The following SCN4B variants were observed in gnomAD, a reference collection of about 807,000 sequenced individuals.
The protein encoded by SCN4B is sodium channel regulatory subunit beta-4.
SCN4B carries 20 observed loss-of-function variants against 19.6 expected under a neutral mutation model. The ratio of observed to expected loss-of-function variants is 1.02; its 90% confidence interval spans 0.72 to 1.48. The LOEUF is 1.48. SCN4B is among the 40% of genes most tolerant of loss of function. The pLI is 0.00. For missense variants in SCN4B, 271 were observed against 287.5 expected (o/e 0.94, Z 0.42); for synonymous variants, 127 against 122.8 (o/e 1.03, Z -0.22).
rs1948209524 is a variant in SCN4B, at chr11:118,148,920, G to A, written c.62-3691C>T. On this transcript the variant is annotated intron_variant, in intron 1 of 4. Transcript: ENST00000324727. The surrounding 1 kb of genome is among the most constrained non-coding windows in gnomAD (Gnocchi z 4.0). ...TGTGAGAGTGGGGGGCCTCTTTCCG[G>A]CATTGTGGAATTGAGGAACAACTCT... 6.6e-6 allele frequency among the ~76,000 whole-genome samples: 1 copy of A among 152,072 alleles called. No homozygotes were observed.
Position 118,137,075 on chromosome 11 carries a change from G to A in SCN4B, c.639C>T (p.Asn213=), listed in dbSNP as rs72544155. 4.8e-3 allele frequency: 7,803 copies of A among 1,613,988 alleles called. 20 individuals are homozygous for A. Among genetic ancestry groups the A allele is most frequent in the Non-Finnish European group, 6.2e-3 (7,324 of 1,179,850 alleles). The change falls in exon 5 of 5, where the codon AAC becomes AAT. Residue 213 remains asparagine (N), a synonymous_variant. Coordinates refer to ENST00000324727, the MANE Select transcript of SCN4B (RefSeq NM_174934.4). The part of the protein sequence containing the change: ...VSSSGNDNTE[N]GLPGSKAEEK... Reference sequence around the variant, plus strand: ...CCTCTGCCTTGGAGCCAGGCAAGCCGTTCTCCGTGTTGTCATTCCCCGAGG... The same window carrying A: ...CCTCTGCCTTGGAGCCAGGCAAGCCATTCTCCGTGTTGTCATTCCCCGAGG...
Position 118,144,057 on chromosome 11 carries a change from A to G in SCN4B, c.239T>C (p.Ile80Thr), listed in dbSNP as rs546190140. The part of the protein sequence containing the change: ...YNSSDAFKIL[I>T]EGTVKNEKSD... ...CTTCTCATTCTTCACAGTCCCCTCT[A>G]TGAGCTGGTGGAGGAAGGGAGTTGG... Residue 80 changes from isoleucine (I) to threonine (T), a missense_variant, in exon 3 of 5, where the codon ATA (isoleucine) becomes ACA (threonine). Ile to Thr is a moderately conservative substitution (Grantham distance 89). Transcript: ENST00000324727. 5.6e-6 allele frequency: 9 copies of G among 1,609,412 alleles called. No homozygotes were observed. In the East Asian group the frequency reaches 8.9e-5, roughly 16 times the overall value.
rs1167919337 is a variant in SCN4B, at chr11:118,134,026, A to T, written c.*3001T>A. On this transcript the variant is annotated 3_prime_UTR_variant, in exon 5 of 5. Coordinates refer to ENST00000324727, the MANE Select transcript of SCN4B (RefSeq NM_174934.4). ...CACTGCCTGCACACGCACACTCCAC[A>T]CAAGCACACCCCACCTCCTGCCATC... The T allele has an allele frequency of 2.2e-6, 1 of 454,642 alleles. No homozygotes were observed. The highest frequency in any genetic ancestry group is 4.4e-6 in the Non-Finnish European group (1 of 226,772). The allele number at this position is 454,642 out of a possible 1,614,324, so 28.2% of individuals were successfully genotyped here.
At chr11:118,152,161 A>G (rs1164024118) in intron 1 of SCN4B, among the ~76,000 whole-genome samples, 1 of 151,972 alleles carries the variant, frequency 6.6e-6, no homozygotes. Flanking sequence ...CCCCACCCCC[A>G]ACTGGTGCAT....
chr11:118,136,992 G>T lies in SCN4B; in HGVS notation c.*35C>A. ...AAGCATCAGTTTCATCATCAGAAAGGGGGCTCCCTGCAGCTGCTCAGCCCG... is the reference window on the plus strand; with the variant it reads ...AAGCATCAGTTTCATCATCAGAAAGTGGGCTCCCTGCAGCTGCTCAGCCCG... On this transcript the variant is annotated 3_prime_UTR_variant, in exon 5 of 5. Transcript: ENST00000324727. 1.4e-6 allele frequency: 2 copies of T among 1,432,342 alleles called. No homozygotes were observed. Among genetic ancestry groups the T allele is most frequent in the Non-Finnish European group, 2.0e-6 (2 of 1,015,018 alleles). The allele number at this position is 1,432,342 out of a possible 1,614,324, so 88.7% of individuals were successfully genotyped here. A position where few individuals can be genotyped will look rare whatever the true frequency, so the allele number is the denominator to read the frequency against.
chr11:118,139,173 C>G (rs1948064043), intron 4 of SCN4B, among the ~76,000 whole-genome samples: 1 of 152,122 alleles, frequency 6.6e-6, no homozygotes, highest in Non-Finnish European at 1.5e-5. Flanking sequence ...TTTTATTCTC[C>G]TCCCCACCAC....
At chr11:118,141,973 G>A (rs1024167353) in intron 3 of SCN4B, 1 of 153,512 alleles carries the variant, frequency 6.5e-6, no homozygotes, top group East Asian at 1.9e-4. Context: ...AATCCTTGGA[G>A]TCTTCTTTGA....
At chr11:118,145,446 A>G in intron 1 of SCN4B, 2 of 1,484,772 alleles carry the variant, frequency 1.3e-6, no homozygotes, top group African/African-American at 2.8e-5. Context: ...ATTCTGGACC[A>G]GGGAGTAGCC....
chr11:118,135,592 G>A lies in SCN4B; in HGVS notation c.*1435C>T. On this transcript the variant is annotated 3_prime_UTR_variant, in exon 5 of 5. Coordinates refer to ENST00000324727, the MANE Select transcript of SCN4B (RefSeq NM_174934.4). ...CACCACCTCCCCCTAGGGCAGGCTA[G>A]AAACCCCAATGGGAGCACCTGGCCG... 2 of 454,148 alleles carry A rather than the reference G, an allele frequency of 4.4e-6. No homozygotes were observed. Among genetic ancestry groups the A allele is most frequent in the South Asian group, 3.1e-5 (2 of 64,478 alleles). 28.1% of individuals were successfully genotyped at this position (454,148 alleles called of 1,614,324 possible). A position where few individuals can be genotyped will look rare whatever the true frequency, so the allele number is the denominator to read the frequency against.
chr11:118,145,581 T>G, intron 1 of SCN4B: 2 of 740,102 alleles, frequency 2.7e-6, no homozygotes, highest in Non-Finnish European at 3.8e-6. Context: ...GAAGCGCTCC[T>G]GCCGCACCCA....
chr11:118,143,786 C>T, intron 3 of SCN4B, 47 bp downstream of exon 3: 1 of 1,449,608 alleles, frequency 6.9e-7, no homozygotes, highest in Non-Finnish European at 9.7e-7. Flanking sequence ...TGGGTGCCTC[C>T]CAAGTCCTTC....
At chr11:118,139,409 G>A (rs1163165784) in intron 4 of SCN4B, among the ~76,000 whole-genome samples, 14 of 152,212 alleles carry the variant, frequency 9.2e-5, no homozygotes, top group South Asian at 6.2e-4. Context: ...CAGCAGCATC[G>A]TATCAAACCT....
rs544783074 is a variant in SCN4B, at chr11:118,133,805, T to A, written c.*3222A>T. On this transcript the variant is annotated 3_prime_UTR_variant, in exon 5 of 5. Transcript: ENST00000324727. ...ATGGCAGCTGTCTGTGACACTGAGA[T>A]GAAGTCATGGAGTGACGGAATGCAG... 8.8e-6 allele frequency: 4 copies of A among 454,518 alleles called. No homozygotes were observed. In the East Asian group the frequency reaches 2.8e-4, roughly 32 times the overall value. 28.2% of individuals were successfully genotyped at this position (454,518 alleles called of 1,614,324 possible).
At chr11:118,140,061 G>A (rs773762672) in intron 4 of SCN4B, among the ~76,000 whole-genome samples, 11 of 152,012 alleles carry the variant, frequency 7.2e-5, no homozygotes, top group Non-Finnish European at 1.5e-4. Context: ...TGAACCCACT[G>A]TGGCTCTGAA....
intron 4 of SCN4B, among the ~76,000 whole-genome samples, chr11:118,138,194 C>A (rs934897156): frequency 6.6e-6 from 1 of 152,234 alleles, no homozygotes; most frequent in East Asian, 1.9e-4. Context: ...TTTTTCACAG[C>A]TGCTACAGCC....
chr11:118,146,054 C>G (rs912867643), intron 1 of SCN4B, among the ~76,000 whole-genome samples: 2 of 151,532 alleles, frequency 1.3e-5, no homozygotes, highest in Non-Finnish European at 1.5e-5. Flanking sequence ...CGGGCCAGCC[C>G]GAGTGCACGC....
In SCN4B at chr11:118,135,697, C is replaced by T. The variant is rs1171459042; in HGVS notation, c.*1330G>A. On this transcript the variant is annotated 3_prime_UTR_variant, in exon 5 of 5. Coordinates refer to ENST00000324727, the MANE Select transcript of SCN4B (RefSeq NM_174934.4). ...CCCTGGGGAGGGGAGGGCTGGCGAACCCTCACCAGCACCACACCAGACTCT... is the reference window on the plus strand; with the variant it reads ...CCCTGGGGAGGGGAGGGCTGGCGAATCCTCACCAGCACCACACCAGACTCT... 1 of 454,302 alleles carries T rather than the reference C, an allele frequency of 2.2e-6. No homozygotes were observed. The highest frequency in any genetic ancestry group is 4.4e-6 in the Non-Finnish European group (1 of 226,768). 28.1% of individuals were successfully genotyped at this position (454,302 alleles called of 1,614,324 possible). A position where few individuals can be genotyped will look rare whatever the true frequency, so the allele number is the denominator to read the frequency against.
intron 4 of SCN4B, among the ~76,000 whole-genome samples, chr11:118,139,291 C>T (rs923265116): frequency 3.9e-5 from 6 of 152,116 alleles, no homozygotes; most frequent in Non-Finnish European, 5.9e-5. Context: ...GAAGAATCTT[C>T]CCTTTACTCT....
intron 3 of SCN4B, 91 bp downstream of exon 3, chr11:118,143,742 C>T (rs891450673): frequency 1.4e-5 from 12 of 861,944 alleles, no homozygotes; most frequent in African/African-American, 5.0e-5. Flanking sequence ...AACACCAACA[C>T]GGTCCATTTT....
Sources: gnomAD v4.1 joint callset for allele counts (sites outside exome capture counted in the v4.1 genomes callset) on GRCh38, gnomAD v4.1.1 for gene constraint, Gnocchi (gnomAD v3.1) non-coding constraint, MANE v1.5 for transcripts, NCBI Gene and HGNC (gene_info 2026-07-23, HGNC 2026-07-21) for gene names.